Variants in ZFYVE9 observed in about 807,000 individuals in gnomAD.
ZFYVE9 encodes zinc finger FYVE-type containing 9.
A neutral mutation model predicts 126.7 loss-of-function variants in ZFYVE9; 43 were observed. That is an observed-to-expected ratio of 0.34 (90% CI 0.27 to 0.44). The LOEUF (loss-of-function observed/expected upper bound fraction) is 0.44. ZFYVE9 is among the 20% of genes least tolerant of loss of function. The pLI, the probability that ZFYVE9 is intolerant of heterozygous loss-of-function variation, is 1.00. For missense variants in ZFYVE9, 1,476 were observed against 1,697.0 expected, an observed-to-expected ratio of 0.87 and a Z score of 2.29; for synonymous variants, 521 against 597.4, an observed-to-expected ratio of 0.87 and a Z score of 1.87.
intron 1 of ZFYVE9, among the ~76,000 whole-genome samples, chr1:52,207,803 C>G (rs1644991679): frequency 6.6e-6 from 1 of 152,314 alleles, no homozygotes; most frequent in African/African-American, 2.4e-5. Flanking sequence ...CAAATTGCAT[C>G]TTTGCCTTTC....
intron 2 of ZFYVE9, among the ~76,000 whole-genome samples, chr1:52,217,792 C>T (rs1645085931): frequency 6.6e-6 from 1 of 152,140 alleles, no homozygotes; most frequent in African/African-American, 2.4e-5. Context: ...CCATCAGGGG[C>T]TGTATTATTA....
intron 13 of ZFYVE9, among the ~76,000 whole-genome samples, chr1:52,319,350 C>A (rs1646216516): frequency 6.6e-6 from 1 of 152,000 alleles, no homozygotes; most frequent in Non-Finnish European, 1.5e-5. Context: ...ATTGGCTGGG[C>A]ACAGTGGCTC....
chr1:52,260,203 TA>T (rs200286616), intron 4 of ZFYVE9, among the ~76,000 whole-genome samples: 1,735 of 150,556 alleles, frequency 0.012, 25 homozygotes, highest in African/African-American at 0.04. Context: ...TATCAGTGTT[TA>T]AAAAAAAAAT....
intron 1 of ZFYVE9, among the ~76,000 whole-genome samples, chr1:52,202,949 G>A (rs965605379): frequency 6.6e-5 from 10 of 152,144 alleles, no homozygotes; most frequent in Non-Finnish European, 1.3e-4. Flanking sequence ...GCCTCCCAAA[G>A]TGCTGGGATT....
At chr1:52,197,226 AT>A (rs1037728647) in intron 1 of ZFYVE9, among the ~76,000 whole-genome samples, 2 of 152,210 alleles carry the variant, frequency 1.3e-5, no homozygotes, top group African/African-American at 4.8e-5. Context: ...TTTAATGTTG[AT>A]TGTGAGCATT....
At chr1:52,212,372 C>G (rs552171196) in intron 1 of ZFYVE9, among the ~76,000 whole-genome samples, 4 of 152,198 alleles carry the variant, frequency 2.6e-5, no homozygotes, top group Admixed American at 6.5e-5. Flanking sequence ...TTTGAACTCT[C>G]CTGGCCTCAA....
At chr1:52,305,968 C>T (rs377382884) in intron 13 of ZFYVE9, among the ~76,000 whole-genome samples, 1 of 152,140 alleles carries the variant, frequency 6.6e-6, no homozygotes, top group East Asian at 1.9e-4. Flanking sequence ...GTGTGCAGCT[C>T]AATGCTGGCC....
intron 11 of ZFYVE9, among the ~76,000 whole-genome samples, chr1:52,294,540 G>A (rs1286569643): frequency 6.6e-6 from 1 of 152,192 alleles, no homozygotes; most frequent in Non-Finnish European, 1.5e-5. Flanking sequence ...TAGCTAAGAT[G>A]TGATTATAGG....
At chr1:52,317,689 A>T (rs1251047901) in intron 13 of ZFYVE9, among the ~76,000 whole-genome samples, 1 of 152,172 alleles carries the variant, frequency 6.6e-6, no homozygotes, top group East Asian at 1.9e-4. Context: ...AAATTGATAA[A>T]CCTCTAGTTA....
chr1:52,286,412 ATG>A (rs1331104511), intron 10 of ZFYVE9, among the ~76,000 whole-genome samples: 1 of 152,180 alleles, frequency 6.6e-6, no homozygotes, highest in Non-Finnish European at 1.5e-5. Context: ...ATATCTATAT[ATG>A]TGTGTGTATC....
At chr1:52,185,646 G>A (rs1054777733) in intron 1 of ZFYVE9, among the ~76,000 whole-genome samples, 17 of 152,110 alleles carry the variant, frequency 1.1e-4, no homozygotes, top group South Asian at 6.2e-4. Flanking sequence ...CTTGATGGCC[G>A]GGCACGGTGG....
chr1:52,245,292 G>C (rs1572131296), intron 4 of ZFYVE9, among the ~76,000 whole-genome samples: 1 of 151,842 alleles, frequency 6.6e-6, no homozygotes, highest in Non-Finnish European at 1.5e-5. Flanking sequence ...TGGGCCTCCT[G>C]GTAAAACATA....
rs373381692 is a variant in ZFYVE9, at chr1:52,237,545, C to T, written c.128C>T (p.Pro43Leu). ...DTKWNKILDPPSHRLSFNPTL... is the reference protein window; with the variant it reads ...DTKWNKILDPLSHRLSFNPTL... ...AAGTGGAATAAGATTCTAGATCCCC[C>T]TTCTCACCGGCTGTCATTTAACCCT... The change falls in exon 4 of 19, where the codon CCT (proline) becomes CTT (leucine). Residue 43 changes from proline to leucine, a missense_variant. This residue lies in a region of ZFYVE9 where 807 missense variants were observed against 794.6 expected (regional missense o/e 1.02). Coordinates refer to ENST00000287727, the MANE Select transcript of ZFYVE9 (RefSeq NM_004799.4). 2 of 1,613,920 alleles carry T rather than the reference C, an allele frequency of 1.2e-6. No individual in the cohort carries two copies. Among genetic ancestry groups the T allele is most frequent in the Middle Eastern group, 1.6e-4 (1 of 6,062 alleles).
At chr1:52,289,971 A>G (rs998947295) in intron 10 of ZFYVE9, among the ~76,000 whole-genome samples, 1 of 152,192 alleles carries the variant, frequency 6.6e-6, no homozygotes, top group African/African-American at 2.4e-5. Context: ...ATGAGTGAAT[A>G]CCTTGAGTAC....
At chr1:52,158,993 C>T (rs572175147) in intron 1 of ZFYVE9, among the ~76,000 whole-genome samples, 184 of 152,176 alleles carry the variant, frequency 1.2e-3, no homozygotes, top group African/African-American at 4.3e-3. Context: ...GGGGTTTCAC[C>T]ATGTTGGCCA....
intron 1 of ZFYVE9, among the ~76,000 whole-genome samples, chr1:52,182,772 A>AT (rs1364272153): frequency 2.7e-5 from 4 of 150,498 alleles, no homozygotes; most frequent in African/African-American, 7.5e-5. Flanking sequence ...AAATAAAAAA[A>AT]AATAAATATT....
chr1:52,297,093 A>C (rs954801441), intron 12 of ZFYVE9, among the ~76,000 whole-genome samples: 2 of 152,098 alleles, frequency 1.3e-5, no homozygotes, highest in African/African-American at 4.8e-5. Flanking sequence ...GGCATGAGCC[A>C]CTGCTCCCAG....
At chr1:52,267,855 A>G (rs1645648751) in intron 6 of ZFYVE9, among the ~76,000 whole-genome samples, 1 of 152,150 alleles carries the variant, frequency 6.6e-6, no homozygotes, top group Admixed American at 6.5e-5. Flanking sequence ...CTGTCTTTTT[A>G]CTAAAACACA....
At position 52,346,136 on chromosome 1, in the gene ZFYVE9, C is replaced by T. The variant is rs1276115132; in HGVS notation, c.4193C>T (p.Pro1398Leu). 1.3e-5 allele frequency: 21 copies of T among 1,613,336 alleles called. No homozygotes were observed. The highest frequency in any genetic ancestry group is 2.2e-5 in the East Asian group (1 of 44,872). ...AATGATCTGGACAGCGCCTTGGTGC[C>T]GGTGATCCATGGAGGGGCCTGCCAG... ...YMNDLDSALV[P>L]VIHGGACQLS... The change falls in exon 19 of 19, where the codon CCG (proline) becomes CTG (leucine). Residue 1398 changes from proline to leucine, a missense_variant. This residue lies in a region of ZFYVE9 where 669 missense variants were observed against 902.4 expected (regional missense o/e 0.74). Coordinates refer to ENST00000287727, the MANE Select transcript of ZFYVE9 (RefSeq NM_004799.4).
Sources: gnomAD v4.1 joint callset for allele counts (sites outside exome capture counted in the v4.1 genomes callset) on GRCh38, gnomAD v4.1.1 for gene constraint, gnomAD v4.1.1 regional missense constraint, MANE v1.5 for transcripts, NCBI Gene and HGNC (gene_info 2026-07-23, HGNC 2026-07-21) for gene names.